The following ARHGEF12 variants were observed in gnomAD, a reference collection of about 807,000 sequenced individuals.
ARHGEF12 encodes the protein Rho guanine nucleotide exchange factor 12, also known as KMT2A/ARHGEF12 fusion protein.
A neutral mutation model predicts 211.2 loss-of-function variants in ARHGEF12; 66 were observed. The observed-to-expected ratio is 0.31, with a 90% CI of 0.26 to 0.38. ARHGEF12 has a LOEUF of 0.38. ARHGEF12 is among the 10% of genes least tolerant of loss of function. The pLI, the probability that ARHGEF12 is intolerant of heterozygous loss-of-function variation, is 1.00. For synonymous variants in ARHGEF12, 592 were observed against 638.4 expected (o/e 0.93, Z 1.09); for missense variants, 1,429 against 1,869.5 (o/e 0.76, Z 4.34).
intron 1 of ARHGEF12, among the ~76,000 whole-genome samples, chr11:120,342,635 A>G (rs1386946754): frequency 1.3e-5 from 2 of 152,176 alleles, no homozygotes; most frequent in Non-Finnish European, 2.9e-5. Flanking sequence ...TCTCAAGGTC[A>G]TTTTGATTCA....
chr11:120,357,990 T>G (rs1256989499), intron 1 of ARHGEF12, among the ~76,000 whole-genome samples: 1 of 152,148 alleles, frequency 6.6e-6, no homozygotes, highest in Non-Finnish European at 1.5e-5. Flanking sequence ...TTGGTAAAGT[T>G]GGAGTGATAG....
chr11:120,469,884 G>C (rs1946818624), intron 30 of ARHGEF12, among the ~76,000 whole-genome samples: 1 of 152,146 alleles, frequency 6.6e-6, no homozygotes, highest in South Asian at 2.1e-4. Flanking sequence ...ATTTTCTTGA[G>C]GAATTGACAC....
rs1266320519 is a variant in ARHGEF12 at position 120,465,279 on chromosome 11, A to G, written c.2656A>G (p.Thr886Ala). The change falls in exon 28 of 41, where the codon ACC becomes GCC. Residue 886 changes from threonine to alanine, a missense_variant. This residue lies in a region of ARHGEF12 where 223 missense variants were observed against 444.6 expected (regional missense o/e 0.50). Coordinates refer to ENST00000397843, the MANE Select transcript of ARHGEF12 (RefSeq NM_015313.3). The part of the protein sequence containing the change: ...GEEKLKHAAA[T>A]FCSNQPFALE... ...GGAGAAATTGAAACATGCTGCTGCT[A>G]CCTTTTGCAGTAACCAACCTTTCGC... is the stretch of plus-strand genomic sequence containing the variant. 1.6e-5 allele frequency: 26 copies of G among 1,613,992 alleles called. No homozygotes were observed. Among genetic ancestry groups the G allele is most frequent in the East Asian group, 2.2e-5 (1 of 44,884 alleles).
At position 120,448,680 on chromosome 11, in the gene ARHGEF12, CAGTAG is replaced by C. The variant is rs145133076; in HGVS notation, c.1737+337_1737+341del. On this transcript the variant is annotated intron_variant, in intron 20 of 40. Coordinates refer to ENST00000397843, the MANE Select transcript of ARHGEF12 (RefSeq NM_015313.3). ...TAATCGTCATGAACATCTTTAGTGG[CAGTAG>C]AGTATTCTGTCAGTTTGTAATTATT... 1,048 of 315,216 alleles carry C rather than the reference CAGTAG, an allele frequency of 3.3e-3. 9 individuals carry two copies. Among genetic ancestry groups the C allele is most frequent in the African/African-American group, 0.021 (995 of 46,506 alleles). 19.5% of individuals were successfully genotyped at this position (315,216 alleles called of 1,614,324 possible).
At chr11:120,424,330 G>C (rs778411342) in intron 6 of ARHGEF12, 28 bp from the exon 7 acceptor site, 3 of 1,572,530 alleles carry the variant, frequency 1.9e-6, no homozygotes, top group Non-Finnish European at 8.7e-7. Context: ...GAATGTATCT[G>C]ACATACACTA....
chr11:120,420,119 A>G (rs1945141231), intron 4 of ARHGEF12, among the ~76,000 whole-genome samples: 1 of 152,146 alleles, frequency 6.6e-6, no homozygotes, highest in Non-Finnish European at 1.5e-5. Context: ...GAGCTCACAG[A>G]TTCTTTATCT....
chr11:120,479,632 TATAGAAGAA>T (rs1947169313), intron 37 of ARHGEF12, among the ~76,000 whole-genome samples: 1 of 152,204 alleles, frequency 6.6e-6, no homozygotes, highest in South Asian at 2.1e-4. Flanking sequence ...ATTCTAGTTA[TATAGAAGAA>T]AAAATAGAGG....
intron 15 of ARHGEF12, among the ~76,000 whole-genome samples, chr11:120,443,318 C>G (rs151055109): frequency 1.3e-5 from 2 of 152,256 alleles, no homozygotes; most frequent in African/African-American, 4.8e-5. Context: ...CCGCACCTGG[C>G]CTTGATTGTC....
chr11:120,459,955 G>T (rs779508005), intron 26 of ARHGEF12, among the ~76,000 whole-genome samples: 2 of 152,132 alleles, frequency 1.3e-5, no homozygotes, highest in African/African-American at 4.8e-5. Context: ...TGATCCACCC[G>T]CCTGCCTTGG....
chr11:120,431,100 G>A (rs1231206474), intron 10 of ARHGEF12, among the ~76,000 whole-genome samples: 1 of 151,916 alleles, frequency 6.6e-6, no homozygotes, highest in African/African-American at 2.4e-5. Context: ...GACCATCCTG[G>A]CCAACATGGT....
At chr11:120,428,320 C>G in intron 8 of ARHGEF12, 73 bp downstream of exon 8, 2 of 1,283,380 alleles carry the variant, frequency 1.6e-6, no homozygotes, top group Non-Finnish European at 2.0e-6. Flanking sequence ...GGAGAGTTTT[C>G]AAGTATTCGG....
chr11:120,383,769 T>C (rs1460500033), intron 1 of ARHGEF12, among the ~76,000 whole-genome samples: 1 of 152,106 alleles, frequency 6.6e-6, no homozygotes, highest in Non-Finnish European at 1.5e-5. Flanking sequence ...TGGACCAGTA[T>C]TGTCTGTGGC....
At chr11:120,408,876 G>T (rs1361445399) in intron 3 of ARHGEF12, 1 of 152,236 alleles carries the variant, frequency 6.6e-6, no homozygotes, top group Admixed American at 6.5e-5. Context: ...CATGAAGAGA[G>T]AATTTTCCAT....
rs1565514547 is a variant in ARHGEF12 at position 120,478,327 on chromosome 11, C to T, written c.3704C>T (p.Ala1235Val). 6.2e-7 allele frequency: 1 copy of T among 1,614,180 alleles called. No homozygotes were observed. The highest frequency in any genetic ancestry group is 8.5e-7 in the Non-Finnish European group (1 of 1,180,036). Residue 1235 changes from alanine to valine, a missense_variant, in exon 37 of 41, where the codon GCA (alanine) becomes GTA (valine). Physicochemically the swap from Ala to Val is moderately conservative, Grantham distance 64 (BLOSUM62 0). This residue lies in a region of ARHGEF12 where 467 missense variants were observed against 468.4 expected (regional missense o/e 1.00). Transcript: ENST00000397843. ...GAAGTTGGAGAAGATTATCAAATCGCAATCCCAGATTCACACCTGCCTGTC... is the reference window on the plus strand; with the variant it reads ...GAAGTTGGAGAAGATTATCAAATCGTAATCCCAGATTCACACCTGCCTGTC... ...LKEVGEDYQI[A>V]IPDSHLPVSE...
At chr11:120,440,726 C>T (rs958848963) in intron 13 of ARHGEF12, among the ~76,000 whole-genome samples, 6 of 152,082 alleles carry the variant, frequency 3.9e-5, no homozygotes, top group South Asian at 4.2e-4. Flanking sequence ...GCTAGGACTT[C>T]CACTATGAGG....
chr11:120,431,980 T>A, intron 11 of ARHGEF12, 69 bp downstream of exon 11: 1 of 1,431,528 alleles, frequency 7.0e-7, no homozygotes, highest in Admixed American at 2.5e-5. Context: ...TAGATTTGAT[T>A]TTAAGTGATG....
chr11:120,382,797 G>A (rs1485965559), intron 1 of ARHGEF12, among the ~76,000 whole-genome samples: 10 of 152,040 alleles, frequency 6.6e-5, no homozygotes, highest in Admixed American at 6.6e-4. Flanking sequence ...AATTTCTTCT[G>A]GGCTCTGAAA....
intron 3 of ARHGEF12, 117 bp downstream of exon 3, chr11:120,407,940 A>T: frequency 2.6e-6 from 2 of 780,016 alleles, no homozygotes; most frequent in Non-Finnish European, 4.1e-6. Flanking sequence ...GGACTCTCAC[A>T]TTCCTCCAAT....
chr11:120,460,813 T>G, intron 27 of ARHGEF12, 56 bp downstream of exon 27: 3 of 1,417,562 alleles, frequency 2.1e-6, no homozygotes, highest in East Asian at 2.3e-5. Context: ...ATGGTTAGAT[T>G]CAAGTTGAGT....
Sources: allele counts gnomAD v4.1 joint callset (sites outside exome capture counted in the v4.1 genomes callset), GRCh38; gene constraint gnomAD v4.1.1; regional missense constraint gnomAD v4.1.1; transcripts MANE v1.5; gene names NCBI Gene and HGNC (gene_info 2026-07-23, HGNC 2026-07-21).